Variants in ITPR2 observed in about 807,000 individuals in gnomAD.
ITPR2 encodes the protein inositol 1,4,5-trisphosphate-gated calcium channel ITPR2.
ITPR2 carries 207 observed loss-of-function variants against 317.1 expected under a neutral mutation model. That is an observed-to-expected ratio of 0.65 (90% CI 0.58 to 0.73). The LOEUF (loss-of-function observed/expected upper bound fraction) is 0.73. Ranked by LOEUF, ITPR2 falls within the 30% of genes least tolerant of loss-of-function variation. ITPR2 has a pLI of 0.00. For synonymous variants in ITPR2, 1,156 were observed against 1,149.1 expected (o/e 1.01, Z -0.12); for missense variants, 2,613 against 3,284.0 (o/e 0.80, Z 4.99).
intron 37 of ITPR2, among the ~76,000 whole-genome samples, chr12:26,534,042 A>AGTAAT (rs1944016908): frequency 6.6e-6 from 1 of 152,148 alleles, no homozygotes; most frequent in Admixed American, 6.5e-5. Flanking sequence ...CTGGCATCTA[A>AGTAAT]TCCCTGATCC....
chr12:26,424,294 T>G (rs989675894), intron 49 of ITPR2, among the ~76,000 whole-genome samples: 1 of 152,156 alleles, frequency 6.6e-6, no homozygotes, highest in Non-Finnish European at 1.5e-5. Flanking sequence ...TTCAAAGTCT[T>G]GTTGATTTGC....
At chr12:26,395,028 G>A (rs1374030471) in intron 54 of ITPR2, among the ~76,000 whole-genome samples, 3 of 152,180 alleles carry the variant, frequency 2.0e-5, no homozygotes, top group Non-Finnish European at 2.9e-5. Flanking sequence ...GACATGGCCG[G>A]TTTGGCTGCC....
intron 1 of ITPR2, among the ~76,000 whole-genome samples, chr12:26,793,942 G>T (rs1245605066): frequency 6.6e-6 from 1 of 152,018 alleles, no homozygotes; most frequent in Non-Finnish European, 1.5e-5. Context: ...CATCTTAATG[G>T]GCTACATTTA....
chr12:26,716,745 C>A (rs937901112), intron 5 of ITPR2, among the ~76,000 whole-genome samples: 4 of 152,052 alleles, frequency 2.6e-5, no homozygotes, highest in African/African-American at 9.7e-5. Context: ...AATGTCAGCT[C>A]GATTCAGGAA....
At chr12:26,504,585 A>G (rs1290905303) in intron 37 of ITPR2, among the ~76,000 whole-genome samples, 1 of 152,220 alleles carries the variant, frequency 6.6e-6, no homozygotes, top group Non-Finnish European at 1.5e-5. Context: ...ACAAAAATTA[A>G]GAAGTCTTAC....
At chr12:26,730,063 C>T (rs1367367108) in intron 2 of ITPR2, among the ~76,000 whole-genome samples, 1 of 152,012 alleles carries the variant, frequency 6.6e-6, no homozygotes, top group African/African-American at 2.4e-5. Flanking sequence ...TCAGATGAAA[C>T]CTGAAGACAC....
rs1476628545 is a variant in ITPR2 at position 26,657,572 on chromosome 12, A to G, written c.2192+135T>C. 8.8e-6 allele frequency: 6 copies of G among 681,484 alleles called. No homozygotes were observed. In the African/African-American group the frequency reaches 1.1e-4, roughly 12 times the overall value. 42.2% of individuals were successfully genotyped at this position (681,484 alleles called of 1,614,324 possible). On this transcript the variant is annotated intron_variant, in intron 18 of 56. Transcript: ENST00000381340. ...TTGAATATTTTAAACAATACTAAAT[A>G]TTTCAGCTACCCTAGTTCTGACATG...
intron 9 of ITPR2, among the ~76,000 whole-genome samples, chr12:26,700,986 G>C (rs1438091724): frequency 1.3e-5 from 2 of 152,156 alleles, no homozygotes; most frequent in African/African-American, 4.8e-5. Flanking sequence ...TATTGATTTT[G>C]TATGGCAATG....
At chr12:26,783,497 T>A (rs1049138725) in intron 2 of ITPR2, among the ~76,000 whole-genome samples, 1 of 152,186 alleles carries the variant, frequency 6.6e-6, no homozygotes, top group African/African-American at 2.4e-5. Flanking sequence ...TTGATTTAAG[T>A]GGACTTCTCC....
chr12:26,414,415 GT>G (rs1380654953), intron 51 of ITPR2, among the ~76,000 whole-genome samples: 1 of 152,094 alleles, frequency 6.6e-6, no homozygotes, highest in Non-Finnish European at 1.5e-5. Flanking sequence ...TTAAATCCTA[GT>G]TTTACATTTA....
In ITPR2 at chr12:26,656,418, G is replaced by A. The variant is rs780212762; in HGVS notation, c.2323C>T (p.Arg775Ter). The part of the protein sequence containing the change: ...VSDESLPFDL[R>*]ASFCRLMLHM... The stretch of plus-strand genomic sequence containing the variant: ...AGCATGAGGCGACAGAAGGACGCTC[G>A]GAGGTCGAACGGCAGGCTCTCATCC... The change falls in exon 19 of 57, where the codon CGA (arginine) becomes TGA (stop). Residue 775 changes from arginine to a stop codon, truncating the protein, a stop_gained. Transcript: ENST00000381340. LOFTEE classifies it high-confidence loss of function. 10 of 1,614,124 alleles carry A rather than the reference G, an allele frequency of 6.2e-6. No homozygotes were observed. Among genetic ancestry groups the A allele is most frequent in the South Asian group, 4.4e-5 (4 of 91,092 alleles).
intron 45 of ITPR2, among the ~76,000 whole-genome samples, chr12:26,450,773 G>A (rs1195065358): frequency 6.6e-6 from 1 of 152,160 alleles, no homozygotes; most frequent in Non-Finnish European, 1.5e-5. Flanking sequence ...GACACGTGAA[G>A]GGCTGTACGC....
At position 26,819,998 on chromosome 12, in the gene ITPR2, G is replaced by T. The variant is rs1009428138; in HGVS notation, c.92+12692C>A. Among the ~76,000 whole-genome samples, 40 of 152,250 alleles carry T rather than the reference G, an allele frequency of 2.6e-4. 1 individual carries two copies. Among genetic ancestry groups the T allele is most frequent in the East Asian group, 3.9e-4 (2 of 5,182 alleles). The stretch of plus-strand genomic sequence containing the variant: ...AGGCAGGAGAATTGCTTGAACCCAG[G>T]AGGCAGAGGTTGCAGTGAGTCAAGA... On this transcript the variant is annotated intron_variant, in intron 1 of 56. Coordinates refer to ENST00000381340, the MANE Select transcript of ITPR2 (RefSeq NM_002223.4).
chr12:26,688,875 A>AG (rs1232670430), intron 10 of ITPR2, among the ~76,000 whole-genome samples: 1 of 152,182 alleles, frequency 6.6e-6, no homozygotes, highest in Admixed American at 6.5e-5. Context: ...AAAATATATG[A>AG]GGGGGAAAAC....
intron 34 of ITPR2, among the ~76,000 whole-genome samples, chr12:26,572,323 A>G (rs892358848): frequency 2.6e-5 from 4 of 152,206 alleles, no homozygotes; most frequent in Non-Finnish European, 4.4e-5. Flanking sequence ...TAAGTGCCAC[A>G]TAATCAAGCA....
intron 37 of ITPR2, among the ~76,000 whole-genome samples, chr12:26,518,741 T>C (rs1943593655): frequency 6.6e-6 from 1 of 152,112 alleles, no homozygotes; most frequent in Non-Finnish European, 1.5e-5. Context: ...TTTTAAAATT[T>C]AACAATTTTT....
intron 52 of ITPR2, among the ~76,000 whole-genome samples, chr12:26,408,727 T>C (rs902102926): frequency 7.2e-5 from 11 of 152,194 alleles, no homozygotes; most frequent in African/African-American, 2.7e-4. Flanking sequence ...AAAGCAATAT[T>C]TTGTCTTGAA....
At chr12:26,388,034 C>T (rs1449833914) in intron 54 of ITPR2, among the ~76,000 whole-genome samples, 1 of 152,146 alleles carries the variant, frequency 6.6e-6, no homozygotes, top group African/African-American at 2.4e-5. Context: ...TTGAGACAGT[C>T]ATCTGTTCAA....
At chr12:26,439,727 A>G (rs1941440921) in intron 46 of ITPR2, among the ~76,000 whole-genome samples, 2 of 152,166 alleles carry the variant, frequency 1.3e-5, no homozygotes, top group South Asian at 4.1e-4. Flanking sequence ...TCTTCATCCT[A>G]AAAGGGGCTG....
Sources: allele counts gnomAD v4.1 joint callset (sites outside exome capture counted in the v4.1 genomes callset), GRCh38; gene constraint gnomAD v4.1.1; transcripts MANE v1.5; gene names NCBI Gene and HGNC (gene_info 2026-07-23, HGNC 2026-07-21).